The following HERC1 variants were observed in gnomAD, a reference collection of about 807,000 sequenced individuals.
HERC1 encodes probable E3 ubiquitin-protein ligase HERC1.
In HERC1, 160 loss-of-function variants were observed where a neutral mutation model predicts 554.3. That is an observed-to-expected ratio of 0.29 (90% confidence interval 0.25 to 0.33). HERC1 has a LOEUF of 0.33. Ranked by LOEUF, HERC1 falls within the 10% of genes least tolerant of loss-of-function variation. The pLI is 1.00. For missense variants in HERC1, 4,919 were observed against 5,918.5 expected, an observed-to-expected ratio of 0.83 and a Z score of 5.54; for synonymous variants, 2,175 against 2,131.7, an observed-to-expected ratio of 1.02 and a Z score of -0.56.
intron 1 of HERC1, among the ~76,000 whole-genome samples, chr15:63,833,624 C>A (rs1366048093): frequency 6.6e-6 from 1 of 151,896 alleles, no homozygotes; most frequent in Non-Finnish European, 1.5e-5. Context: ...CCGGGGGATC[C>A]GCGGCGCGCC....
intron 1 of HERC1, among the ~76,000 whole-genome samples, chr15:63,821,291 A>T (rs992439817): frequency 3.9e-5 from 6 of 152,152 alleles, no homozygotes; most frequent in African/African-American, 1.2e-4. Context: ...GCAGTGGCTC[A>T]CACCTGTAAT....
chr15:63,739,276 C>A (rs2074689391), intron 12 of HERC1, among the ~76,000 whole-genome samples: 1 of 148,356 alleles, frequency 6.7e-6, no homozygotes. Context: ...CAGCTCACTG[C>A]AACCTCCATC....
At chr15:63,697,654 C>T (rs2072500070) in intron 26 of HERC1, among the ~76,000 whole-genome samples, 1 of 152,054 alleles carries the variant, frequency 6.6e-6, no homozygotes, top group Non-Finnish European at 1.5e-5. Flanking sequence ...GGGGTTTCAC[C>T]ACGCTGGTGA....
chr15:63,693,135 G>C (rs1011687220), intron 30 of HERC1, among the ~76,000 whole-genome samples: 12 of 152,128 alleles, frequency 7.9e-5, no homozygotes, highest in East Asian at 1.9e-4. Context: ...CCCAGATCAT[G>C]CCACTGCACT....
intron 36 of HERC1, among the ~76,000 whole-genome samples, chr15:63,679,806 A>C (rs971907273): frequency 6.6e-6 from 1 of 152,230 alleles, no homozygotes; most frequent in African/African-American, 2.4e-5. Flanking sequence ...CCAGTGAATT[A>C]GATTATCCCT....
chr15:63,738,370 G>C (rs946118303), intron 12 of HERC1, among the ~76,000 whole-genome samples: 1 of 152,104 alleles, frequency 6.6e-6, no homozygotes, highest in African/African-American at 2.4e-5. Context: ...AAGGACATCA[G>C]TAGAAAACTG....
intron 32 of HERC1, among the ~76,000 whole-genome samples, chr15:63,690,145 C>T (rs142543106): frequency 6.8e-4 from 94 of 138,228 alleles, no homozygotes; most frequent in African/African-American, 2.5e-3. Flanking sequence ...CCAGGCTGGG[C>T]GACAGAGCGA....
chr15:63,644,517 T>C (rs1477953483), intron 57 of HERC1, among the ~76,000 whole-genome samples: 1 of 152,182 alleles, frequency 6.6e-6, no homozygotes, highest in Non-Finnish European at 1.5e-5. Flanking sequence ...TTTCTGTTTT[T>C]GCTTTTTACC....
chr15:63,729,392 A>G, intron 15 of HERC1, 24 bp from the exon 16 acceptor site: 1 of 1,592,760 alleles, frequency 6.3e-7, no homozygotes. Flanking sequence ...AAGTTCCTAA[A>G]TTACTACTTT....
Position 63,718,414 on chromosome 15 carries a change from A to G in HERC1, c.3978+160T>C. 1.5e-6 allele frequency: 1 copy of G among 669,112 alleles called. No individual in the cohort carries two copies. Among genetic ancestry groups the G allele is most frequent in the South Asian group, 3.1e-5 (1 of 32,070 alleles). 41.4% of individuals were successfully genotyped at this position (669,112 alleles called of 1,614,324 possible). ...GTAAATGTGAGGTTAAGTAAATCTC[A>G]AATCTTTTCCTTTTTTTTTTTCTGC... is the stretch of plus-strand genomic sequence containing the variant. On this transcript the variant is annotated intron_variant, in intron 21 of 77. Transcript: ENST00000443617. This position sits in a 1 kb window ranked among gnomAD's most constrained non-coding sequence, Gnocchi z 4.2.
intron 12 of HERC1, among the ~76,000 whole-genome samples, chr15:63,737,195 T>C (rs2074543589): frequency 6.7e-6 from 1 of 150,374 alleles, no homozygotes; most frequent in Non-Finnish European, 1.5e-5. Context: ...AAATTTCTTA[T>C]AAAGCAGAGG....
chr15:63,645,440 C>A, intron 56 of HERC1, 43 bp downstream of exon 56: 1 of 1,432,860 alleles, frequency 7.0e-7, no homozygotes, highest in Non-Finnish European at 9.6e-7. Context: ...CAGTCTATAC[C>A]AATATAAAAA....
At chr15:63,719,453 C>T (rs1181010837) in intron 19 of HERC1, among the ~76,000 whole-genome samples, 5 of 152,236 alleles carry the variant, frequency 3.3e-5, no homozygotes, top group Non-Finnish European at 5.9e-5. Flanking sequence ...CAGATCCCAA[C>T]GGCCTTGCAG....
intron 12 of HERC1, among the ~76,000 whole-genome samples, chr15:63,736,212 G>A (rs1442332606): frequency 6.6e-6 from 1 of 152,174 alleles, no homozygotes; most frequent in Non-Finnish European, 1.5e-5. Context: ...AATTCCTAGA[G>A]GCTCATATAC....
intron 19 of HERC1, among the ~76,000 whole-genome samples, chr15:63,722,430 A>G (rs1157218564): frequency 2.0e-5 from 3 of 152,266 alleles, no homozygotes; most frequent in Non-Finnish European, 4.4e-5. Context: ...CCATTTACAT[A>G]GCACGGAATA....
Position 63,716,342 on chromosome 15 carries a change from A to G in HERC1, c.4110T>C (p.Asp1370=). Reference sequence around the variant, plus strand: ...CTTCATGTTCCCGTTCCTCCTCTTCATCCTCTGGCTCCGGATGCCCCTCTT... The same window carrying G: ...CTTCATGTTCCCGTTCCTCCTCTTCGTCCTCTGGCTCCGGATGCCCCTCTT... ...DREEGHPEPE[D]EEEEREHEVM... The change falls in exon 22 of 78, where the codon GAT becomes GAC. Residue 1370 remains aspartate (D), a synonymous_variant. Transcript: ENST00000443617. 1.2e-6 allele frequency: 2 copies of G among 1,613,678 alleles called. No individual in the cohort carries two copies. The highest frequency in any genetic ancestry group is 1.7e-6 in the Non-Finnish European group (2 of 1,179,776).
Position 63,609,112 on chromosome 15 carries a change from T to G in HERC1, c.14555A>C (p.Asp4852Ala), listed in dbSNP as rs1435280283. 6.2e-7 allele frequency: 1 copy of G among 1,613,822 alleles called. No homozygotes were observed. The highest frequency in any genetic ancestry group is 8.5e-7 in the Non-Finnish European group (1 of 1,179,868). The change falls in exon 78 of 78, where the codon GAC (aspartate) becomes GCC (alanine). Residue 4852 changes from aspartate (D) to alanine (A), a missense_variant. Around this residue, in one of 11 missense-constraint regions of HERC1, gnomAD observed 71 missense variants for 101.4 expected, o/e 0.70. Coordinates refer to ENST00000443617, the MANE Select transcript of HERC1 (RefSeq NM_003922.4). ...GTCAGTGTCGGAGCCCTCGGCGTTGTCCACGTTTCTCGAGAGCATGTAGTT... is the reference window on the plus strand; with the variant it reads ...GTCAGTGTCGGAGCCCTCGGCGTTGGCCACGTTTCTCGAGAGCATGTAGTT... ...MDNYMLSRNV[D>A]NAEGSDTDY
rs2075153761 is a variant in HERC1, at chr15:63,749,065, G to GAT, written c.2219+300_2219+301dup. Among the ~76,000 whole-genome samples the GAT allele has an allele frequency of 6.6e-6, 1 of 151,706 alleles. No individual in the cohort carries two copies. Among genetic ancestry groups the GAT allele is most frequent in the Non-Finnish European group, 1.5e-5 (1 of 67,956 alleles). Reference sequence around the variant, plus strand: ...ATTTTAATTATTTTAATTTCCTCTTGATATGCAGATATTTAATTTTTTTAA... The same window carrying GAT: ...ATTTTAATTATTTTAATTTCCTCTTGATATATGCAGATATTTAATTTTTTTAA... On this transcript the variant is annotated intron_variant, in intron 10 of 77. Coordinates refer to ENST00000443617, the MANE Select transcript of HERC1 (RefSeq NM_003922.4). This position sits in a 1 kb window ranked among gnomAD's most constrained non-coding sequence, Gnocchi z 4.1.
In HERC1 at chr15:63,645,466, G is replaced by A; in HGVS notation, c.11078+17C>T. 6.3e-7 allele frequency: 1 copy of A among 1,586,996 alleles called. No individual in the cohort carries two copies. Among genetic ancestry groups the A allele is most frequent in the South Asian group, 1.1e-5 (1 of 87,194 alleles). ...AATATAAAAACTAAGACGTATAGAT[G>A]CAAATTGACAACATACGTAGCCATC... On this transcript the variant is annotated intron_variant, in intron 56 of 77. Coordinates refer to ENST00000443617, the MANE Select transcript of HERC1 (RefSeq NM_003922.4).
Sources: allele counts gnomAD v4.1 joint callset (sites outside exome capture counted in the v4.1 genomes callset), GRCh38; gene constraint gnomAD v4.1.1; regional missense constraint gnomAD v4.1.1; non-coding constraint Gnocchi (gnomAD v3.1); transcripts MANE v1.5; gene names NCBI Gene and HGNC (gene_info 2026-07-23, HGNC 2026-07-21).